The following PALLD variants were observed in gnomAD, a reference collection of about 807,000 sequenced individuals.
The protein encoded by PALLD is palladin, cytoskeletal associated protein, also known as palladin.
Under a neutral mutation model 123.5 loss-of-function variants are expected in PALLD, and 61 were observed. The ratio of observed to expected loss-of-function variants is 0.49; its 90% CI spans 0.40 to 0.61. The LOEUF is 0.61. Among genes scored for constraint, PALLD ranks in the 20% least tolerant of loss-of-function variants. PALLD has a pLI of 0.00. For synonymous variants in PALLD, 465 were observed against 496.4 expected (o/e 0.94, Z 0.84); for missense variants, 1,273 against 1,377.0 (o/e 0.92, Z 1.20).
intron 10 of PALLD, among the ~76,000 whole-genome samples, chr4:168,772,546 T>G (rs1340739711): frequency 6.6e-6 from 1 of 152,204 alleles, no homozygotes; most frequent in East Asian, 1.9e-4. Flanking sequence ...TTTGGTCTTG[T>G]CCATAGAAGC....
At chr4:168,863,524 C>T (rs1290753704) in intron 10 of PALLD, among the ~76,000 whole-genome samples, 1 of 152,154 alleles carries the variant, frequency 6.6e-6, no homozygotes, top group Non-Finnish European at 1.5e-5. Flanking sequence ...GGAAATCCCT[C>T]CATGAGGAAG....
At chr4:168,837,652 A>T (rs1417897996) in intron 10 of PALLD, among the ~76,000 whole-genome samples, 1 of 152,234 alleles carries the variant, frequency 6.6e-6, no homozygotes, top group Non-Finnish European at 1.5e-5. Flanking sequence ...AGTGAGTACT[A>T]TCAGCACTCC....
intron 8 of PALLD, among the ~76,000 whole-genome samples, chr4:168,699,586 C>G (rs1783482015): frequency 6.6e-6 from 1 of 151,346 alleles, no homozygotes; most frequent in South Asian, 2.1e-4. Flanking sequence ...CCCTTATTAC[C>G]CAGGGAACCC....
intron 2 of PALLD, among the ~76,000 whole-genome samples, chr4:168,515,901 C>T (rs1190028016): frequency 6.6e-6 from 1 of 152,174 alleles, no homozygotes; most frequent in East Asian, 1.9e-4. Flanking sequence ...CTTTTGAAAG[C>T]TGGCATGATG....
intron 2 of PALLD, among the ~76,000 whole-genome samples, chr4:168,573,053 AC>A (rs1302927521): frequency 6.1e-5 from 5 of 81,534 alleles, no homozygotes; most frequent in Admixed American, 5.9e-4. Context: ...ACCCTCATCT[AC>A]CACTCTTCTC....
At chr4:168,666,971 A>G (rs1468334812) in intron 2 of PALLD, among the ~76,000 whole-genome samples, 1 of 152,198 alleles carries the variant, frequency 6.6e-6, no homozygotes, top group Non-Finnish European at 1.5e-5. Flanking sequence ...TGCCCCCAAA[A>G]TAATATGGTT....
chr4:168,782,567 C>T (rs957328879), intron 10 of PALLD, among the ~76,000 whole-genome samples: 1 of 151,964 alleles, frequency 6.6e-6, no homozygotes, highest in African/African-American at 2.4e-5. Flanking sequence ...TTGTGTGAAG[C>T]AGCAATAGAC....
intron 2 of PALLD, among the ~76,000 whole-genome samples, chr4:168,521,722 TAAACA>T (rs1763585050): frequency 6.6e-6 from 1 of 152,150 alleles, no homozygotes; most frequent in Non-Finnish European, 1.5e-5. Flanking sequence ...CAGCATAAAA[TAAACA>T]AATGATTTAT....
At chr4:168,815,628 A>G (rs1741790280) in intron 10 of PALLD, among the ~76,000 whole-genome samples, 1 of 152,250 alleles carries the variant, frequency 6.6e-6, no homozygotes, top group Admixed American at 6.5e-5. Context: ...TGCTTCCTAT[A>G]GGATTTGATC....
At chr4:168,611,227 C>T (rs1773698349) in intron 2 of PALLD, among the ~76,000 whole-genome samples, 1 of 152,234 alleles carries the variant, frequency 6.6e-6, no homozygotes, top group Non-Finnish European at 1.5e-5. Flanking sequence ...GGTTTCCTGA[C>T]AGCTGCCACA....
At chr4:168,769,084 A>G (rs1221179155) in intron 10 of PALLD, among the ~76,000 whole-genome samples, 2 of 152,206 alleles carry the variant, frequency 1.3e-5, no homozygotes, top group African/African-American at 2.4e-5. Context: ...CGGCCTCCCA[A>G]AGTACTGGGA....
chr4:168,511,480 CAG>C lies in PALLD; in HGVS notation c.-22_-21del. Reference sequence around the variant, plus strand: ...CTGGCCTTCCTACTGAAAGCAGACACAGAGTGCATGAAGACCGTTCAAATATG... The same window carrying C: ...CTGGCCTTCCTACTGAAAGCAGACACAGTGCATGAAGACCGTTCAAATATG... On this transcript the variant is annotated 5_prime_UTR_variant, in exon 2 of 22. Transcript: ENST00000505667. 1 of 1,586,728 alleles carries C rather than the reference CAG, an allele frequency of 6.3e-7. No individual in the cohort carries two copies. Among genetic ancestry groups the C allele is most frequent in the Non-Finnish European group, 8.7e-7 (1 of 1,155,628 alleles).
In PALLD at chr4:168,903,749, A is replaced by G. The variant is rs2151305587; in HGVS notation, c.2473-8A>G. 1 of 1,606,468 alleles carries G rather than the reference A, an allele frequency of 6.2e-7. No individual in the cohort carries two copies. Among genetic ancestry groups the G allele is most frequent in the South Asian group, 1.1e-5 (1 of 90,920 alleles). Reference sequence around the variant, plus strand: ...CTCCTAATCTTTAATCTTTGTTTCTATTCACAGATCTATTGGTTTAAAGAT... The same window carrying G: ...CTCCTAATCTTTAATCTTTGTTTCTGTTCACAGATCTATTGGTTTAAAGAT... On this transcript the variant is annotated splice_polypyrimidine_tract_variant and splice_region_variant and intron_variant, in intron 14 of 21. Coordinates refer to ENST00000505667, the MANE Select transcript of PALLD (RefSeq NM_001166108.2).
intron 2 of PALLD, among the ~76,000 whole-genome samples, chr4:168,651,333 A>G (rs1778020763): frequency 6.6e-6 from 1 of 152,194 alleles, no homozygotes; most frequent in Admixed American, 6.5e-5. Flanking sequence ...TTTTCTTTGT[A>G]ACATCCAAGG....
chr4:168,631,334 C>A (rs2149827795), intron 2 of PALLD, among the ~76,000 whole-genome samples: 1 of 152,338 alleles, frequency 6.6e-6, no homozygotes, highest in East Asian at 1.9e-4. Context: ...AGAGCTGCAA[C>A]GTTTCCTAAA....
At chr4:168,631,439 T>A (rs1336852868) in intron 2 of PALLD, among the ~76,000 whole-genome samples, 1 of 152,198 alleles carries the variant, frequency 6.6e-6, no homozygotes, top group Non-Finnish European at 1.5e-5. Context: ...CTTCTTACAA[T>A]TCCCCCCGCC....
intron 10 of PALLD, among the ~76,000 whole-genome samples, chr4:168,736,683 T>G (rs1444064248): frequency 2.6e-5 from 4 of 152,218 alleles, no homozygotes; most frequent in South Asian, 4.1e-4. Flanking sequence ...ATCCACCATC[T>G]GAACATCAGG....
Position 168,792,801 on chromosome 4 carries a change from C to T in PALLD, c.1964+80878C>T, listed in dbSNP as rs181332840. ...TTTTTTTTTGAGATGGAGTCTCACT[C>T]TGTCACCCAGGCTAGAGTGCAGTGG... On this transcript the variant is annotated intron_variant, in intron 10 of 21. Coordinates refer to ENST00000505667, the MANE Select transcript of PALLD (RefSeq NM_001166108.2). 5.0e-3 allele frequency among the ~76,000 whole-genome samples: 757 copies of T among 150,184 alleles called. 5 individuals are homozygous for T. Among genetic ancestry groups the T allele is most frequent in the African/African-American group, 0.017 (687 of 40,816 alleles).
chr4:168,588,544 G>A (rs1201524271), intron 2 of PALLD, among the ~76,000 whole-genome samples: 1 of 152,000 alleles, frequency 6.6e-6, no homozygotes, highest in Non-Finnish European at 1.5e-5. Context: ...TGGGATTACA[G>A]GTGCCTGCAG....
Sources: allele counts gnomAD v4.1 joint callset (sites outside exome capture counted in the v4.1 genomes callset), GRCh38; gene constraint gnomAD v4.1.1; transcripts MANE v1.5; gene names NCBI Gene and HGNC (gene_info 2026-07-23, HGNC 2026-07-21).